FRAS1: variants seen among roughly 807,000 people sequenced by gnomAD.
FRAS1 encodes the protein Fraser extracellular matrix complex subunit 1.
A neutral mutation model predicts 435.2 loss-of-function variants in FRAS1; 290 were observed. The ratio of observed to expected loss-of-function variants is 0.67; its 90% CI spans 0.61 to 0.73. FRAS1 has a LOEUF of 0.73. FRAS1 is among the 30% of genes least tolerant of loss of function. The pLI is 0.00. For missense variants in FRAS1, 4,860 were observed against 5,001.5 expected (o/e 0.97, Z 0.85); for synonymous variants, 1,800 against 1,851.0 (o/e 0.97, Z 0.71).
chr4:78,209,705 G>A (rs1478968089), intron 2 of FRAS1, among the ~76,000 whole-genome samples: 2 of 152,150 alleles, frequency 1.3e-5, no homozygotes, highest in Non-Finnish European at 2.9e-5. Flanking sequence ...TCCTTAAACT[G>A]TCAGGATCTC....
chr4:78,307,823 G>T (rs576819395), intron 14 of FRAS1, among the ~76,000 whole-genome samples: 16 of 152,176 alleles, frequency 1.1e-4, no homozygotes, highest in Non-Finnish European at 1.6e-4. Context: ...CTTCTGCGTT[G>T]CTCACGTTGG....
At chr4:78,128,671 T>C (rs994644610) in intron 2 of FRAS1, among the ~76,000 whole-genome samples, 8 of 152,176 alleles carry the variant, frequency 5.3e-5, no homozygotes, top group African/African-American at 1.9e-4. Flanking sequence ...GTCAGATGAG[T>C]AGATTGCAAA....
chr4:78,113,258 T>G (rs985754820), intron 2 of FRAS1, among the ~76,000 whole-genome samples: 1 of 152,222 alleles, frequency 6.6e-6, no homozygotes, highest in Non-Finnish European at 1.5e-5. Flanking sequence ...TCCAAGTCTT[T>G]GCTATTGTGA....
intron 33 of FRAS1, among the ~76,000 whole-genome samples, chr4:78,421,106 G>C (rs1357803272): frequency 1.3e-5 from 2 of 151,446 alleles, no homozygotes; most frequent in African/African-American, 4.9e-5. Flanking sequence ...GGCTAAGCCA[G>C]TCTAGTCTTT....
At chr4:78,331,515 G>T (rs1331576065) in intron 18 of FRAS1, among the ~76,000 whole-genome samples, 1 of 152,162 alleles carries the variant, frequency 6.6e-6, no homozygotes, top group Non-Finnish European at 1.5e-5. Flanking sequence ...GACGAACCAG[G>T]ACATTCCAGC....
intron 2 of FRAS1, among the ~76,000 whole-genome samples, chr4:78,118,806 G>A (rs1021943977): frequency 1.3e-4 from 20 of 152,082 alleles, no homozygotes; most frequent in African/African-American, 4.3e-4. Context: ...GCTTGCACTC[G>A]GTGCGCTGCA....
At chr4:78,170,102 T>C (rs1383806372) in intron 2 of FRAS1, among the ~76,000 whole-genome samples, 1 of 152,168 alleles carries the variant, frequency 6.6e-6, no homozygotes, top group Non-Finnish European at 1.5e-5. Flanking sequence ...AAATGTCATT[T>C]TGAGCTTCCA....
chr4:78,187,777 G>T (rs1560570468), intron 2 of FRAS1, among the ~76,000 whole-genome samples: 1 of 151,954 alleles, frequency 6.6e-6, no homozygotes, highest in Admixed American at 6.6e-5. Context: ...CTAATTTTTT[G>T]TATTTTTAGT....
At position 78,252,509 on chromosome 4, in the gene FRAS1, A is replaced by G. The variant is rs374415239; in HGVS notation, c.427A>G (p.Ile143Val). Residue 143 changes from isoleucine to valine, a missense_variant, in exon 5 of 74, where the codon ATC (isoleucine) becomes GTC (valine). Transcript: ENST00000512123. The part of the protein sequence containing the change: ...LSCGHQELAF[I>V]PEGSCCPVCV... ...ATGTGGACACCAGGAGCTGGCATTC[A>G]TCCCTGAAGGAAGCTGCTGCCCAGT... 5.0e-6 allele frequency: 8 copies of G among 1,613,794 alleles called. No individual in the cohort carries two copies. Among genetic ancestry groups the G allele is most frequent in the Admixed American group, 3.3e-5 (2 of 59,988 alleles).
At chr4:78,324,708 CTTT>C (rs139942839) in intron 18 of FRAS1, among the ~76,000 whole-genome samples, 4,825 of 88,094 alleles carry the variant, frequency 0.055, 84 homozygotes, top group East Asian at 0.25. Context: ...GCTCAGATTC[CTTT>C]TTTTTTTTTT....
In FRAS1 at chr4:78,446,847, C is replaced by T; in HGVS notation, c.5977C>T (p.Leu1993Phe). 2 of 1,611,462 alleles carry T rather than the reference C, an allele frequency of 1.2e-6. No individual in the cohort carries two copies. Among genetic ancestry groups the T allele is most frequent in the Non-Finnish European group, 1.7e-6 (2 of 1,178,822 alleles). The stretch of plus-strand genomic sequence containing the variant: ...AGACCTGGACACCCCAGATAATGAG[C>T]TCATTTTTGTATTGACAAAAAAGCC... ...LQDLDTPDNE[L>F]IFVLTKKPDH... The change falls in exon 43 of 74, where the codon CTC (leucine) becomes TTC (phenylalanine). Residue 1993 changes from leucine to phenylalanine, a missense_variant. Transcript: ENST00000512123.
chr4:78,194,190 T>C (rs893719107), intron 2 of FRAS1, among the ~76,000 whole-genome samples: 3 of 152,256 alleles, frequency 2.0e-5, no homozygotes, highest in Non-Finnish European at 4.4e-5. Flanking sequence ...CCTTTCTCTC[T>C]GGCTGCCCTT....
intron 31 of FRAS1, among the ~76,000 whole-genome samples, chr4:78,408,461 C>G (rs887074020): frequency 2.6e-5 from 4 of 151,990 alleles, no homozygotes; most frequent in Non-Finnish European, 4.4e-5. Flanking sequence ...GAAGAAAAGT[C>G]TTTAAAATAT....
intron 2 of FRAS1, among the ~76,000 whole-genome samples, chr4:78,212,402 G>A (rs1723554116): frequency 6.6e-6 from 1 of 152,092 alleles, no homozygotes; most frequent in Non-Finnish European, 1.5e-5. Context: ...CAAGTCAAAG[G>A]AGCTTAAGAA....
intron 59 of FRAS1, among the ~76,000 whole-genome samples, chr4:78,492,881 T>C (rs1426793822): frequency 2.0e-5 from 3 of 152,252 alleles, no homozygotes; most frequent in Admixed American, 6.5e-5. Flanking sequence ...ACCTACAGAA[T>C]GGGAGAAAAT....
At chr4:78,219,318 T>G (rs1401029505) in intron 2 of FRAS1, among the ~76,000 whole-genome samples, 1 of 152,196 alleles carries the variant, frequency 6.6e-6, no homozygotes, top group African/African-American at 2.4e-5. Flanking sequence ...ATGTTTTATT[T>G]CACACCAAAG....
At chr4:78,245,405 G>T in intron 4 of FRAS1, 80 bp downstream of exon 4, 1 of 1,015,556 alleles carries the variant, frequency 9.8e-7, no homozygotes, top group South Asian at 1.4e-5. Flanking sequence ...AACTTGTGTT[G>T]ATGAGAGTTT....
At chr4:78,485,286 C>T (rs1479342924) in intron 58 of FRAS1, among the ~76,000 whole-genome samples, 1 of 152,202 alleles carries the variant, frequency 6.6e-6, no homozygotes, top group Non-Finnish European at 1.5e-5. Context: ...CTTCCTGACA[C>T]ACCTGGCATT....
intron 2 of FRAS1, among the ~76,000 whole-genome samples, chr4:78,103,250 T>G (rs1742223145): frequency 2.6e-5 from 4 of 152,226 alleles, no homozygotes; most frequent in Admixed American, 2.6e-4. Context: ...CAATTTTAAT[T>G]GTTAAGTAAA....
Sources: allele counts gnomAD v4.1 joint callset (sites outside exome capture counted in the v4.1 genomes callset), GRCh38; gene constraint gnomAD v4.1.1; transcripts MANE v1.5; gene names NCBI Gene and HGNC (gene_info 2026-07-23, HGNC 2026-07-21).